Variants in CCSER2 observed in about 807,000 individuals in gnomAD.
CCSER2 encodes the protein serine-rich coiled-coil domain-containing protein 2.
CCSER2 carries 46 observed loss-of-function variants against 92.3 expected under a neutral mutation model. The ratio of observed to expected loss-of-function variants is 0.50; its 90% CI spans 0.39 to 0.64. CCSER2 has a LOEUF of 0.64. CCSER2 is among the 30% of genes least tolerant of loss of function. The pLI, the probability that CCSER2 is intolerant of heterozygous loss-of-function variation, is 0.00. For missense variants in CCSER2, 1,244 were observed against 1,238.9 expected (o/e 1.00, Z -0.06); for synonymous variants, 433 against 431.4 (o/e 1.00, Z -0.04).
At chr10:84,480,567 G>A (rs947984976) in intron 9 of CCSER2, among the ~76,000 whole-genome samples, 1 of 152,026 alleles carries the variant, frequency 6.6e-6, no homozygotes, top group Admixed American at 6.6e-5. Flanking sequence ...AGTAACCTGA[G>A]GCCAAAATAT....
intron 3 of CCSER2, among the ~76,000 whole-genome samples, chr10:84,397,788 C>T (rs1841920986): frequency 6.6e-6 from 1 of 152,210 alleles, no homozygotes; most frequent in Non-Finnish European, 1.5e-5. Context: ...TCACACCTGA[C>T]TCTTCTCCTT....
chr10:84,357,600 C>G (rs1174874667), intron 1 of CCSER2, among the ~76,000 whole-genome samples: 3 of 152,092 alleles, frequency 2.0e-5, no homozygotes, highest in Admixed American at 1.3e-4. Flanking sequence ...CAGGTGCCTG[C>G]CACCTCGCCC....
At chr10:84,503,705 G>A (rs1348453068) in intron 9 of CCSER2, among the ~76,000 whole-genome samples, 1 of 152,060 alleles carries the variant, frequency 6.6e-6, no homozygotes, top group Non-Finnish European at 1.5e-5. Flanking sequence ...TTGCTCTTTA[G>A]TACCTGGCTT....
chr10:84,409,655 G>A (rs748597130), intron 3 of CCSER2, among the ~76,000 whole-genome samples: 2 of 151,884 alleles, frequency 1.3e-5, no homozygotes, highest in Non-Finnish European at 2.9e-5. Context: ...TTGTGAAGAA[G>A]CATAAGGAAC....
In CCSER2 at chr10:84,507,590, G is replaced by A. The variant is rs1849129718; in HGVS notation, c.2326-5859G>A. ...ATTATTACACTTTAGAACATTTCCT[G>A]CTTTCTATTTGGTGCACTTTGACAT... is the stretch of plus-strand genomic sequence containing the variant. On this transcript the variant is annotated intron_variant, in intron 9 of 9. Coordinates refer to ENST00000372088, the MANE Select transcript of CCSER2 (RefSeq NM_001284240.2). Among the ~76,000 whole-genome samples, 3 of 152,204 alleles carry A rather than the reference G, an allele frequency of 2.0e-5. No individual in the cohort carries two copies. The South Asian group carries it at 6.2e-4, about 32-fold the overall frequency.
intron 1 of CCSER2, among the ~76,000 whole-genome samples, chr10:84,347,410 G>A (rs1362537047): frequency 2.8e-5 from 4 of 143,700 alleles, no homozygotes; most frequent in Admixed American, 6.8e-5. Flanking sequence ...GAGGGGGGGT[G>A]CTGACCCCCC....
chr10:84,346,774 A>T (rs189100389), intron 1 of CCSER2, among the ~76,000 whole-genome samples: 27,029 of 148,436 alleles, frequency 0.18, 3,019 homozygotes, highest in Admixed American at 0.32. Flanking sequence ...ATATATATAT[A>T]TATTTATTTA....
intron 9 of CCSER2, among the ~76,000 whole-genome samples, chr10:84,481,509 A>T (rs1208239375): frequency 6.6e-6 from 1 of 152,088 alleles, no homozygotes; most frequent in Non-Finnish European, 1.5e-5. Context: ...ACTGATAAAG[A>T]TCAAAACTGT....
At chr10:84,374,943 C>T (rs529062304) in intron 3 of CCSER2, among the ~76,000 whole-genome samples, 19 of 151,942 alleles carry the variant, frequency 1.3e-4, no homozygotes, top group Non-Finnish European at 2.2e-4. Flanking sequence ...TTTTTTTAAC[C>T]GTTGTCAACA....
chr10:84,416,216 G>A (rs751913978), intron 3 of CCSER2, among the ~76,000 whole-genome samples: 5 of 152,124 alleles, frequency 3.3e-5, no homozygotes, highest in South Asian at 2.1e-4. Flanking sequence ...CATTGCTCCC[G>A]GGTGGACTGT....
chr10:84,471,165 G>A (rs927462637), intron 8 of CCSER2, among the ~76,000 whole-genome samples: 3 of 151,962 alleles, frequency 2.0e-5, no homozygotes, highest in Non-Finnish European at 4.4e-5. Flanking sequence ...AAAATATAAA[G>A]GATATCATAT....
At chr10:84,404,531 T>C (rs1358753434) in intron 3 of CCSER2, among the ~76,000 whole-genome samples, 3 of 152,188 alleles carry the variant, frequency 2.0e-5, no homozygotes, top group Non-Finnish European at 4.4e-5. Context: ...TAAATGAAAT[T>C]AGTGCTTGTT....
chr10:84,346,603 A>G (rs11201001), intron 1 of CCSER2, among the ~76,000 whole-genome samples: 7,267 of 152,056 alleles, frequency 0.048, 241 homozygotes, highest in East Asian at 0.16. Flanking sequence ...ATTTATTGCT[A>G]TATATTACAT....
At chr10:84,338,714 G>C (rs1286172002) in intron 1 of CCSER2, among the ~76,000 whole-genome samples, 2 of 152,096 alleles carry the variant, frequency 1.3e-5, no homozygotes, top group Non-Finnish European at 2.9e-5. Flanking sequence ...AACTTTTCCA[G>C]GGAAATTTTG....
At chr10:84,392,153 A>C in intron 3 of CCSER2, 1 of 576,890 alleles carries the variant, frequency 1.7e-6, no homozygotes, top group South Asian at 1.8e-5. Flanking sequence ...GGGGAAGGGT[A>C]AACCGGTAGG....
At chr10:84,380,315 G>T (rs1359476460) in intron 3 of CCSER2, among the ~76,000 whole-genome samples, 1 of 152,014 alleles carries the variant, frequency 6.6e-6, no homozygotes, top group Admixed American at 6.6e-5. Context: ...TGATTTTTCA[G>T]TTGGGTTTTG....
chr10:84,472,236 T>G (rs564977492), intron 8 of CCSER2, among the ~76,000 whole-genome samples: 1 of 152,102 alleles, frequency 6.6e-6, no homozygotes, highest in African/African-American at 2.4e-5. Context: ...ATAAAAAAAA[T>G]TTAGCTAAAG....
chr10:84,409,318 T>G (rs1389926200), intron 3 of CCSER2, among the ~76,000 whole-genome samples: 4 of 151,638 alleles, frequency 2.6e-5, no homozygotes, highest in Admixed American at 1.3e-4. Context: ...AAATTTTTTT[T>G]TTGTAGAGAT....
Position 84,518,372 on chromosome 10 carries a change from A to G in CCSER2, c.*4105A>G, listed in dbSNP as rs1275857790. ...AAAGAGCAAAAATAATATCTGCAGT[A>G]TTGTTTTTCCCATTGATTTTAAGTC... On this transcript the variant is annotated 3_prime_UTR_variant, in exon 10 of 10. Coordinates refer to ENST00000372088, the MANE Select transcript of CCSER2 (RefSeq NM_001284240.2). The G allele has an allele frequency of 6.6e-6, 1 of 152,670 alleles. No individual in the cohort carries two copies. The highest frequency in any genetic ancestry group is 1.9e-4 in the East Asian group (1 of 5,206). The allele number at this position is 152,670 out of a possible 1,614,324, so 9.5% of individuals were successfully genotyped here. A position where few individuals can be genotyped will look rare whatever the true frequency, so the allele number is the denominator to read the frequency against.
Sources: allele counts gnomAD v4.1 joint callset (sites outside exome capture counted in the v4.1 genomes callset), GRCh38; gene constraint gnomAD v4.1.1; transcripts MANE v1.5; gene names NCBI Gene and HGNC (gene_info 2026-07-23, HGNC 2026-07-21).